Variants in NEDD9 observed in about 807,000 individuals in gnomAD.
NEDD9 encodes the protein enhancer of filamentation 1.
Under a neutral mutation model 76.6 loss-of-function variants are expected in NEDD9, and 26 were observed. The ratio of observed to expected loss-of-function variants is 0.34; its 90% CI spans 0.25 to 0.47. NEDD9 has a LOEUF of 0.47. Ranked by LOEUF, NEDD9 falls within the 20% of genes least tolerant of loss-of-function variation. NEDD9 has a pLI of 1.00. For synonymous variants in NEDD9, 392 were observed against 414.2 expected (o/e 0.95, Z 0.65); for missense variants, 937 against 1,058.5 (o/e 0.89, Z 1.59).
chr6:11,284,178 A>C (rs1041294299), intron 3 of NEDD9, among the ~76,000 whole-genome samples: 5 of 152,148 alleles, frequency 3.3e-5, no homozygotes, highest in Non-Finnish European at 7.4e-5. Context: ...GAGATCCTGC[A>C]TAGAGATGTC....
intron 2 of NEDD9, among the ~76,000 whole-genome samples, chr6:11,332,209 GT>G (rs1165573805): frequency 2.0e-5 from 3 of 152,200 alleles, no homozygotes; most frequent in African/African-American, 7.2e-5. Context: ...ACCTAGAGTT[GT>G]AGGCCCTGCA....
intron 1 of NEDD9, among the ~76,000 whole-genome samples, chr6:11,219,396 G>A (rs536659851): frequency 1.3e-5 from 2 of 152,258 alleles, no homozygotes; most frequent in East Asian, 1.9e-4. Flanking sequence ...TCAATGGCCC[G>A]GCTTCCTCTG....
At chr6:11,196,222 T>G (rs1203911915) in intron 2 of NEDD9, among the ~76,000 whole-genome samples, 1 of 152,090 alleles carries the variant, frequency 6.6e-6, no homozygotes, top group Non-Finnish European at 1.5e-5. Flanking sequence ...GAGAATGGCG[T>G]GAACCTGGGA....
chr6:11,214,142 T>C (rs1192065602), intron 1 of NEDD9: 1 of 512,860 alleles, frequency 1.9e-6, no homozygotes, highest in African/African-American at 1.9e-5. Context: ...TTGTTCTATA[T>C]TGGAGGTGAA....
At position 11,350,729 on chromosome 6, in the gene NEDD9, T is replaced by C. The variant is rs1472700158; in HGVS notation, c.-213-16168A>G. Among the ~76,000 whole-genome samples, 3 of 152,102 alleles carry C rather than the reference T, an allele frequency of 2.0e-5. No homozygotes were observed. The East Asian group carries it at 5.8e-4, about 29-fold the overall frequency. ...GTCATGGTGGGTGCTGGAGGGGATA[T>C]GACTAAGACACTGAACAAGGCCCTG... On this transcript the variant is annotated intron_variant, in intron 1 of 3. Transcript: ENST00000397378.
intron 2 of NEDD9, among the ~76,000 whole-genome samples, chr6:11,329,431 C>T (rs1214746846): frequency 6.6e-6 from 1 of 152,184 alleles, no homozygotes; most frequent in Non-Finnish European, 1.5e-5. Flanking sequence ...TCTCTGCCTT[C>T]CTTTGGGGTT....
At chr6:11,219,088 T>C (rs1047251214) in intron 1 of NEDD9, among the ~76,000 whole-genome samples, 1 of 152,186 alleles carries the variant, frequency 6.6e-6, no homozygotes, top group African/African-American at 2.4e-5. Flanking sequence ...TCCCAAGCTA[T>C]GCCTGAGGAG....
At chr6:11,362,241 G>A (rs1246045108) in intron 1 of NEDD9, among the ~76,000 whole-genome samples, 1 of 152,190 alleles carries the variant, frequency 6.6e-6, no homozygotes, top group Non-Finnish European at 1.5e-5. Context: ...CCAGAGGAGG[G>A]CCTCAACAGG....
Position 11,241,148 on chromosome 6 carries a change from T to C in NEDD9, c.13-27421A>G, listed in dbSNP as rs567935335. Among the ~76,000 whole-genome samples, 1 of 152,362 alleles carries C rather than the reference T, an allele frequency of 6.6e-6. No homozygotes were observed. The highest frequency in any genetic ancestry group is 2.1e-4 in the South Asian group (1 of 4,834). Reference sequence around the variant, plus strand: ...TCAAATAAACAGGAATGGACTCTCATGGCTGAAATGAGAGTGGCCGTCTCC... The same window carrying C: ...TCAAATAAACAGGAATGGACTCTCACGGCTGAAATGAGAGTGGCCGTCTCC... On this transcript the variant is annotated intron_variant, in intron 3 of 3. Transcript: ENST00000397378. This position sits in a 1 kb window ranked among gnomAD's most constrained non-coding sequence, Gnocchi z 4.0.
chr6:11,285,152 G>C (rs1215265548), intron 3 of NEDD9, among the ~76,000 whole-genome samples: 1 of 152,186 alleles, frequency 6.6e-6, no homozygotes, highest in African/African-American at 2.4e-5. Context: ...CCTGCATTGT[G>C]TTGCTGTAAG....
At chr6:11,235,662 T>C (rs1341792562), upstream of NEDD9, among the ~76,000 whole-genome samples, 2 of 152,238 alleles carry the variant, frequency 1.3e-5, no homozygotes, top group East Asian at 3.8e-4. This position sits in a 1 kb window ranked among gnomAD's most constrained non-coding sequence, Gnocchi z 4.1. Flanking sequence ...GAGGAGATGA[T>C]ATTTAAGCAG....
At chr6:11,233,041 G>A (rs781244477), upstream of NEDD9, among the ~76,000 whole-genome samples, 2 of 152,066 alleles carry the variant, frequency 1.3e-5, no homozygotes, top group East Asian at 3.8e-4. Flanking sequence ...AACCCATTTC[G>A]TTTCAAAGCC....
chr6:11,249,023 T>C (rs1030899647), intron 3 of NEDD9: 1 of 426,116 alleles, frequency 2.3e-6, no homozygotes, highest in Admixed American at 2.4e-5. Context: ...ACTCACCAGT[T>C]TTCATCCCCA....
chr6:11,344,285 T>TA (rs1014481556), intron 1 of NEDD9, among the ~76,000 whole-genome samples: 27 of 152,172 alleles, frequency 1.8e-4, no homozygotes, highest in Non-Finnish European at 3.7e-4. Flanking sequence ...TCCAGAGAGT[T>TA]AAAAAAATTC....
chr6:11,289,302 T>C lies in NEDD9; in HGVS notation c.12+16690A>G, dbSNP rs370606351. Among the ~76,000 whole-genome samples the C allele has an allele frequency of 1.4e-4, 21 of 152,376 alleles. No individual in the cohort carries two copies. The East Asian group carries it at 3.9e-3, about 28-fold the overall frequency. ...CTGTAAAATCTAGGAAGTGTGATTA[T>C]ATTTTGGGAAAAGGCAGCTAAATTA... is the stretch of plus-strand genomic sequence containing the variant. On this transcript the variant is annotated intron_variant, in intron 3 of 3. Coordinates refer to the NEDD9 transcript ENST00000397378.
chr6:11,313,398 TG>T (rs1353242179), intron 2 of NEDD9, among the ~76,000 whole-genome samples: 3 of 147,650 alleles, frequency 2.0e-5, no homozygotes, highest in Non-Finnish European at 4.5e-5. Flanking sequence ...GGTGAAGGGG[TG>T]GATGGATGGA....
chr6:11,262,740 G>C (rs1322342337), intron 3 of NEDD9, among the ~76,000 whole-genome samples: 1 of 152,168 alleles, frequency 6.6e-6, no homozygotes, highest in Non-Finnish European at 1.5e-5. Flanking sequence ...AATAAAATAA[G>C]TTAAAGCTCA....
intron 1 of NEDD9, among the ~76,000 whole-genome samples, chr6:11,227,012 C>T (rs997077710): frequency 6.6e-6 from 1 of 152,018 alleles, no homozygotes; most frequent in Non-Finnish European, 1.5e-5. Context: ...TTTACTATGC[C>T]ATATAGTATT....
intron 3 of NEDD9, among the ~76,000 whole-genome samples, chr6:11,288,675 T>G (rs34550320): frequency 0.04 from 6,028 of 152,322 alleles, 408 homozygotes; most frequent in African/African-American, 0.13. Context: ...TCTTTCTTGC[T>G]TCTTTGGCTG....
Sources: allele counts gnomAD v4.1 joint callset (sites outside exome capture counted in the v4.1 genomes callset), GRCh38; gene constraint gnomAD v4.1.1; non-coding constraint Gnocchi (gnomAD v3.1); transcripts MANE v1.5; gene names NCBI Gene and HGNC (gene_info 2026-07-23, HGNC 2026-07-21).